GRIP1: variants seen among roughly 807,000 people sequenced by gnomAD.
GRIP1 encodes glutamate receptor interacting protein 1.
GRIP1 carries 45 observed loss-of-function variants against 129.9 expected under a neutral mutation model. That is an observed-to-expected ratio of 0.35 (90% CI 0.27 to 0.44). The LOEUF (loss-of-function observed/expected upper bound fraction) is 0.44, where lower values mean the gene tolerates loss of function less well. Among genes scored for constraint, GRIP1 ranks in the 20% least tolerant of loss-of-function variants. The pLI is 1.00. For missense variants in GRIP1, 1,196 were observed against 1,396.8 expected (o/e 0.86, Z 2.29); for synonymous variants, 530 against 520.8 (o/e 1.02, Z -0.24).
chr12:66,692,308 T>C (rs148448100), intron 1 of GRIP1, among the ~76,000 whole-genome samples: 38 of 152,322 alleles, frequency 2.5e-4, no homozygotes, highest in Non-Finnish European at 4.0e-4. Flanking sequence ...TGTGTAACCC[T>C]GTAGGAAGTT....
At chr12:66,979,241 A>C (rs11176514) in intron 1 of GRIP1, among the ~76,000 whole-genome samples, 42 of 127,396 alleles carry the variant, frequency 3.3e-4, no homozygotes, top group Non-Finnish European at 4.3e-4. Context: ...AAAAAAAAAA[A>C]AAAAAAAAAA....
chr12:66,956,791 T>C (rs914459457), intron 1 of GRIP1, among the ~76,000 whole-genome samples: 1 of 152,198 alleles, frequency 6.6e-6, no homozygotes, highest in African/African-American at 2.4e-5. Flanking sequence ...TACTGGGATG[T>C]CACTGCATCA....
intron 1 of GRIP1, among the ~76,000 whole-genome samples, chr12:67,016,747 A>G (rs1370721758): frequency 6.6e-6 from 1 of 152,212 alleles, no homozygotes; most frequent in Non-Finnish European, 1.5e-5. Context: ...ATCATCTTGT[A>G]TCTGTAGAAG....
intron 1 of GRIP1, among the ~76,000 whole-genome samples, chr12:66,837,467 A>G (rs1000462449): frequency 7.2e-5 from 11 of 152,186 alleles, no homozygotes; most frequent in African/African-American, 2.7e-4. Context: ...AGACACAGCA[A>G]CATGCACCAA....
chr12:66,826,841 T>C (rs1364811998), intron 1 of GRIP1, among the ~76,000 whole-genome samples: 1 of 152,088 alleles, frequency 6.6e-6, no homozygotes, highest in Non-Finnish European at 1.5e-5. Context: ...CAGGCTCAAT[T>C]CCTCTTCTTT....
chr12:66,988,897 C>G (rs1200764746), intron 1 of GRIP1, among the ~76,000 whole-genome samples: 1 of 152,126 alleles, frequency 6.6e-6, no homozygotes, highest in African/African-American at 2.4e-5. Flanking sequence ...GGCTAACATG[C>G]AAAACTCTTT....
At chr12:66,681,437 G>A (rs559835358), upstream of GRIP1, among the ~76,000 whole-genome samples, 2 of 151,966 alleles carry the variant, frequency 1.3e-5, no homozygotes, top group Admixed American at 6.6e-5. Context: ...AAAATGTATC[G>A]ATCTGTAGGA....
At position 66,989,118 on chromosome 12, in the gene GRIP1, C is replaced by T. The variant is rs112531275; in HGVS notation, c.58+79932G>A. 2.6e-3 allele frequency among the ~76,000 whole-genome samples: 393 copies of T among 152,334 alleles called. 1 individual carries two copies. Among genetic ancestry groups the T allele is most frequent in the African/African-American group, 8.7e-3 (363 of 41,572 alleles). ...AGACAGGAGACTGTGGAAGACTATA[C>T]TGTGAATCACACAATCCTGGCTCTA... On this transcript the variant is annotated intron_variant, in intron 1 of 1. Transcript: ENST00000643019.
At chr12:66,389,729 T>G (rs897124093) in intron 19 of GRIP1, among the ~76,000 whole-genome samples, 2 of 152,236 alleles carry the variant, frequency 1.3e-5, no homozygotes, top group African/African-American at 4.8e-5. Context: ...TTCTCCTGTC[T>G]TCAATGATGC....
intron 23 of GRIP1, among the ~76,000 whole-genome samples, chr12:66,369,970 A>T (rs535995499): frequency 1.6e-4 from 24 of 152,224 alleles, no homozygotes; most frequent in African/African-American, 5.3e-4. Flanking sequence ...ACATGTCAGA[A>T]ATGTCTTTGC....
At chr12:66,777,237 CCT>C (rs1422068756) in intron 1 of GRIP1, among the ~76,000 whole-genome samples, 36 of 152,224 alleles carry the variant, frequency 2.4e-4, no homozygotes, top group Non-Finnish European at 4.9e-4. Flanking sequence ...GCTGTGTTCC[CCT>C]CTCTTGCCTC....
intron 1 of GRIP1, among the ~76,000 whole-genome samples, chr12:67,068,277 A>G (rs188892508): frequency 3.6e-4 from 55 of 152,338 alleles, no homozygotes; most frequent in African/African-American, 1.3e-3. Context: ...TGTCCAGCAC[A>G]CTTGTCAAGC....
intron 1 of GRIP1, among the ~76,000 whole-genome samples, chr12:66,855,480 T>C (rs2062859): frequency 0.34 from 51,838 of 151,746 alleles, 9,283 homozygotes; most frequent in East Asian, 0.41. Flanking sequence ...CTTGGGGCCC[T>C]TGCATCCAAA....
At chr12:66,724,468 T>A (rs73128882) in intron 1 of GRIP1, among the ~76,000 whole-genome samples, 1 of 152,298 alleles carries the variant, frequency 6.6e-6, no homozygotes, top group South Asian at 2.1e-4. Context: ...AAATACATCA[T>A]AGAAGCATAC....
chr12:66,594,211 G>A (rs775212400), intron 2 of GRIP1, among the ~76,000 whole-genome samples: 50 of 151,994 alleles, frequency 3.3e-4, no homozygotes, highest in Non-Finnish European at 5.6e-4. Flanking sequence ...TAGTACATTA[G>A]CCAAACTCTC....
chr12:66,580,596 G>A (rs2063336524), intron 2 of GRIP1, among the ~76,000 whole-genome samples: 1 of 148,376 alleles, frequency 6.7e-6, no homozygotes, highest in African/African-American at 2.5e-5. Flanking sequence ...AAAAAAGGCA[G>A]GGGTTGCAAT....
chr12:66,533,056 G>T (rs902687058), intron 4 of GRIP1, among the ~76,000 whole-genome samples: 1 of 152,116 alleles, frequency 6.6e-6, no homozygotes, highest in Admixed American at 6.5e-5. Context: ...GCTAGGAATT[G>T]CATCCTTTCT....
In GRIP1 at chr12:66,738,086, C is replaced by T. The variant is rs2036665257; in HGVS notation, c.-420+65967G>A. Among the ~76,000 whole-genome samples the T allele has an allele frequency of 2.0e-5, 3 of 152,190 alleles. No homozygotes were observed. The South Asian group carries it at 6.2e-4, about 32-fold the overall frequency. On this transcript the variant is annotated intron_variant, in intron 1 of 4. Transcript: ENST00000538373. ...TGGAAGGCCTGGGGGCAGAGAGAAG[C>T]ACAGGTGTTGAAGGACTGGGAAGAA...
At position 66,377,302 on chromosome 12, in the gene GRIP1, C is replaced by T; in HGVS notation, c.2622-17G>A. 1 of 1,494,686 alleles carries T rather than the reference C, an allele frequency of 6.7e-7. No individual in the cohort carries two copies. The highest frequency in any genetic ancestry group is 1.4e-5 in the African/African-American group (1 of 72,402). The allele number at this position is 1,494,686 out of a possible 1,614,324, so 92.6% of individuals were successfully genotyped here. A position where few individuals can be genotyped will look rare whatever the true frequency, so the allele number is the denominator to read the frequency against. On this transcript the variant is annotated splice_polypyrimidine_tract_variant and intron_variant, in intron 20 of 24. Coordinates refer to ENST00000359742, the MANE Select transcript of GRIP1 (RefSeq NM_001366722.1). ...CCTGCAAAACTGTTGTCAAGAAACA[C>T]AGGCTGGGTTAGGAACTTGCCAGAC... is the stretch of plus-strand genomic sequence containing the variant.
Sources: gnomAD v4.1 joint callset for allele counts (sites outside exome capture counted in the v4.1 genomes callset) on GRCh38, gnomAD v4.1.1 for gene constraint, MANE v1.5 for transcripts, NCBI Gene and HGNC (gene_info 2026-07-23, HGNC 2026-07-21) for gene names.